Variants in KIF13B observed in about 807,000 individuals in gnomAD.
KIF13B encodes the protein kinesin-like protein KIF13B.
In KIF13B, 127 loss-of-function variants were observed where a neutral mutation model predicts 222.0. That is an observed-to-expected ratio of 0.57 (90% CI 0.50 to 0.66). The LOEUF (loss-of-function observed/expected upper bound fraction) is 0.66, where lower values mean the gene tolerates loss of function less well. Among genes scored for constraint, KIF13B ranks in the 30% least tolerant of loss-of-function variants. The pLI is 0.00. For synonymous variants in KIF13B, 976 were observed against 919.0 expected, an observed-to-expected ratio of 1.06 and a Z score of -1.12; for missense variants, 2,173 against 2,379.0, an observed-to-expected ratio of 0.91 and a Z score of 1.80.
At chr8:29,093,315 C>T (rs1808382600) in intron 36 of KIF13B, among the ~76,000 whole-genome samples, 1 of 151,916 alleles carries the variant, frequency 6.6e-6, no homozygotes, top group Non-Finnish European at 1.5e-5. Flanking sequence ...TTCATAACTA[C>T]TGAAGGAAGA....
At chr8:29,101,000 T>C (rs10091515) in intron 35 of KIF13B, among the ~76,000 whole-genome samples, 30,499 of 152,020 alleles carry the variant, frequency 0.2, 4,246 homozygotes, top group African/African-American at 0.39. Context: ...TTAAAAATGG[T>C]GTGATGGTCA....
chr8:29,088,394 T>C (rs1246512435), intron 37 of KIF13B, among the ~76,000 whole-genome samples: 1 of 152,194 alleles, frequency 6.6e-6, no homozygotes, highest in Non-Finnish European at 1.5e-5. Flanking sequence ...TCTAAACACC[T>C]TAAAAATAGG....
intron 21 of KIF13B, among the ~76,000 whole-genome samples, chr8:29,137,347 G>A (rs1208449654): frequency 6.6e-6 from 1 of 152,170 alleles, no homozygotes; most frequent in East Asian, 1.9e-4. Flanking sequence ...TTTCAAAAAA[G>A]TTTTTGCACA....
At chr8:29,244,579 T>C (rs1815938213) in intron 2 of KIF13B, among the ~76,000 whole-genome samples, 1 of 152,170 alleles carries the variant, frequency 6.6e-6, no homozygotes, top group South Asian at 2.1e-4. Flanking sequence ...TCAATCATAA[T>C]ACTCAAAAAC....
Position 29,071,971 on chromosome 8 carries a change from C to T in KIF13B, c.4867G>A (p.Gly1623Ser), listed in dbSNP as rs1387870263. 4 of 1,324,230 alleles carry T rather than the reference C, an allele frequency of 3.0e-6. No homozygotes were observed. Among genetic ancestry groups the T allele is most frequent in the South Asian group, 1.9e-5 (1 of 54,028 alleles). 82.0% of individuals were successfully genotyped at this position (1,324,230 alleles called of 1,614,324 possible). ...PTAVPAEEPP[G>S]PQQLVSPGRE... ...CCGGGGCTCACGAGCTGCTGGGGGC[C>T]AGGGGGCTCCTCGGCGGGGACGGCC... is the stretch of plus-strand genomic sequence containing the variant. Residue 1623 changes from glycine to serine, a missense_variant, in exon 39 of 40, where the codon GGC becomes AGC. This residue lies in a region of KIF13B where 693 missense variants were observed against 656.2 expected (regional missense o/e 1.06). Coordinates refer to ENST00000524189, the MANE Select transcript of KIF13B (RefSeq NM_015254.4). This position sits in a 1 kb window ranked among gnomAD's most constrained non-coding sequence, Gnocchi z 4.9.
chr8:29,104,784 C>T (rs779732596), intron 35 of KIF13B, among the ~76,000 whole-genome samples: 3 of 152,046 alleles, frequency 2.0e-5, no homozygotes, highest in African/African-American at 7.3e-5. Context: ...CTCGCTGTCG[C>T]CCAGGCTGGA....
At chr8:29,154,848 T>C (rs1183550885) in intron 14 of KIF13B, among the ~76,000 whole-genome samples, 1 of 152,188 alleles carries the variant, frequency 6.6e-6, no homozygotes, top group East Asian at 1.9e-4. Flanking sequence ...TCTCACTTGA[T>C]CCTTCCCCAG....
intron 36 of KIF13B, among the ~76,000 whole-genome samples, chr8:29,095,103 A>T (rs1471975289): frequency 2.6e-5 from 4 of 152,202 alleles, no homozygotes; most frequent in Non-Finnish European, 5.9e-5. Flanking sequence ...TAATGTCTAA[A>T]CATTTCTCAC....
Position 29,099,201 on chromosome 8 carries a change from A to G in KIF13B, c.4256T>C (p.Val1419Ala). The G allele has an allele frequency of 6.2e-7, 1 of 1,613,770 alleles. No homozygotes were observed. The highest frequency in any genetic ancestry group is 1.7e-4 in the Middle Eastern group (1 of 6,060). The stretch of plus-strand genomic sequence containing the variant: ...GGGGGCAGGAGCTATTCCTCTGGAA[A>G]CTGTGGTTTGGGATACATCCTGCTG... ...ESQQDVSQTT[V>A]SRGIAPAPAL... is the part of the protein sequence containing the mutation. Residue 1419 changes from valine to alanine, a missense_variant, in exon 36 of 40, where the codon GTT (valine) becomes GCT (alanine). Around this residue, in one of 2 missense-constraint regions of KIF13B, gnomAD observed 693 missense variants for 656.2 expected, o/e 1.06. Coordinates refer to ENST00000524189, the MANE Select transcript of KIF13B (RefSeq NM_015254.4).
At chr8:29,189,968 C>T (rs924560343) in intron 4 of KIF13B, 1 of 152,236 alleles carries the variant, frequency 6.6e-6, no homozygotes, top group African/African-American at 2.4e-5. Flanking sequence ...GTTGTCTGTA[C>T]TTTCTACAGT....
Position 29,130,632 on chromosome 8 carries a change from C to G in KIF13B, c.2976G>C (p.Trp992Cys). The change falls in exon 24 of 40, where the codon TGG becomes TGC. Residue 992 changes from tryptophan (W) to cysteine (C), a missense_variant. Trp to Cys is a radical substitution (Grantham distance 215, BLOSUM62 -2). Transcript: ENST00000524189. ...TCTCATTCTGTTCCAAGATTTGAAC[C>G]CAGAATTCCAATTTCCTGGTCACTT... ...WSEVTRKLEF[W>C]VQILEQNENG... The G allele has an allele frequency of 6.2e-7, 1 of 1,613,778 alleles. No homozygotes were observed.
chr8:29,203,019 T>C (rs1813767419), intron 2 of KIF13B, among the ~76,000 whole-genome samples: 1 of 152,168 alleles, frequency 6.6e-6, no homozygotes, highest in Non-Finnish European at 1.5e-5. Flanking sequence ...CCCCAATTCC[T>C]ACATAAAGCC....
intron 18 of KIF13B, among the ~76,000 whole-genome samples, chr8:29,144,841 A>AC (rs1810982795): frequency 6.6e-6 from 1 of 152,252 alleles, no homozygotes; most frequent in Non-Finnish European, 1.5e-5. Context: ...GAAAGACTAC[A>AC]GAGTCAGCCT....
chr8:29,190,747 T>C (rs1813141788), intron 4 of KIF13B: 1 of 466,498 alleles, frequency 2.1e-6, no homozygotes, highest in African/African-American at 2.0e-5. Flanking sequence ...GATCTGACGC[T>C]GTCCCCAGGT....
At chr8:29,228,729 C>T (rs930048031) in intron 2 of KIF13B, among the ~76,000 whole-genome samples, 1 of 151,994 alleles carries the variant, frequency 6.6e-6, no homozygotes, top group African/African-American at 2.4e-5. Context: ...ATGACCAATG[C>T]TGTGGCTGCT....
Position 29,134,200 on chromosome 8 carries a change from A to G in KIF13B, c.2624T>C (p.Leu875Pro), listed in dbSNP as rs1369583776. The G allele has an allele frequency of 1.2e-5, 20 of 1,613,722 alleles. No individual in the cohort carries two copies. The highest frequency in any genetic ancestry group is 1.7e-5 in the Non-Finnish European group (20 of 1,179,838). ...ENKLVCMVKI[L>P]QATGLPQHLS... ...ATGCTGTGGCAACCCAGTAGCTTGC[A>G]GGATTTTAACCTGAAGGAAAAAGAA... Residue 875 changes from leucine (L) to proline (P), a missense_variant, in exon 22 of 40, where the codon CTG (leucine) becomes CCG (proline). Leu to Pro is a moderately conservative substitution (Grantham distance 98). Transcript: ENST00000524189.
At chr8:29,229,088 T>TAAAAAAAAAAAAAAAAAAAAA (rs370080449) in intron 2 of KIF13B, among the ~76,000 whole-genome samples, 2 of 94,692 alleles carry the variant, frequency 2.1e-5, no homozygotes, top group African/African-American at 4.0e-5. Context: ...ATGTCAGCTT[T>TAAAAAAAAAAAAAAAAAAAAA]AAAAAAAAAA....
Position 29,142,218 on chromosome 8 carries a change from T to C in KIF13B, c.2273A>G (p.Asn758Ser). The change falls in exon 19 of 40, where the codon AAC becomes AGC. Residue 758 changes from asparagine (N) to serine (S), a missense_variant. This residue lies in a region of KIF13B where 1,480 missense variants were observed against 1,722.8 expected (regional missense o/e 0.86). Coordinates refer to ENST00000524189, the MANE Select transcript of KIF13B (RefSeq NM_015254.4). ...KQIWSLEKLD[N>S]RLLDMRDLYQ... ...AAGGTCTCTCATATCCAACAGCCTG[T>C]TGTCCAGTTTTTCCAAAGACCAAAT... 1 of 1,613,640 alleles carries C rather than the reference T, an allele frequency of 6.2e-7. No homozygotes were observed. Among genetic ancestry groups the C allele is most frequent in the Non-Finnish European group, 8.5e-7 (1 of 1,179,550 alleles).
chr8:29,256,746 CTTTT>C (rs1244309534), intron 1 of KIF13B, among the ~76,000 whole-genome samples: 4 of 140,658 alleles, frequency 2.8e-5, no homozygotes, highest in Non-Finnish European at 4.5e-5. Flanking sequence ...ACAATTACTA[CTTTT>C]TTTGTTTGTT....
Sources: gnomAD v4.1 joint callset for allele counts (sites outside exome capture counted in the v4.1 genomes callset) on GRCh38, gnomAD v4.1.1 for gene constraint, gnomAD v4.1.1 regional missense constraint, Gnocchi (gnomAD v3.1) non-coding constraint, MANE v1.5 for transcripts, NCBI Gene and HGNC (gene_info 2026-07-23, HGNC 2026-07-21) for gene names.